GRIN2A: variants seen among roughly 807,000 people sequenced by gnomAD.
The protein encoded by GRIN2A is glutamate receptor ionotropic, NMDA 2A.
GRIN2A carries 22 observed loss-of-function variants against 113.4 expected under a neutral mutation model. The observed-to-expected ratio is 0.19, with a 90% CI of 0.14 to 0.28. The LOEUF is 0.28. Ranked by LOEUF, GRIN2A falls within the 10% of genes least tolerant of loss-of-function variation. GRIN2A has a pLI of 1.00. For missense variants in GRIN2A, 1,502 were observed against 1,887.0 expected (o/e 0.80, Z 3.78); for synonymous variants, 827 against 738.4 (o/e 1.12, Z -1.94).
intron 2 of GRIN2A, among the ~76,000 whole-genome samples, chr16:10,116,185 T>C (rs951711783): frequency 6.6e-6 from 1 of 152,206 alleles, no homozygotes; most frequent in East Asian, 1.9e-4. Context: ...TGGATGAAGC[T>C]GGAAGCCATC....
intron 2 of GRIN2A, among the ~76,000 whole-genome samples, chr16:10,155,732 A>G (rs918535527): frequency 1.3e-5 from 2 of 152,194 alleles, no homozygotes; most frequent in African/African-American, 4.8e-5. Flanking sequence ...GGCAGAAGGC[A>G]AATGAGAAGC....
At chr16:9,955,870 T>C (rs554735538) in intron 2 of GRIN2A, among the ~76,000 whole-genome samples, 57 of 152,302 alleles carry the variant, frequency 3.7e-4, no homozygotes, top group Non-Finnish European at 6.6e-4. Context: ...ACCGCCAGCT[T>C]CAACAAACCA....
intron 2 of GRIN2A, among the ~76,000 whole-genome samples, chr16:10,070,217 A>T (rs1391777657): frequency 6.6e-6 from 1 of 152,026 alleles, no homozygotes; most frequent in East Asian, 1.9e-4. Flanking sequence ...TAGGTGCCCC[A>T]GGTGCTCCTG....
intron 3 of GRIN2A, among the ~76,000 whole-genome samples, chr16:9,934,321 C>T (rs1210807577): frequency 2.0e-5 from 3 of 152,104 alleles, no homozygotes; most frequent in Non-Finnish European, 4.4e-5. Context: ...TATCTTAATT[C>T]ATCTATGTAT....
rs746900457 is a variant in GRIN2A, at chr16:9,764,112, G to A, written c.3432C>T (p.Asn1144=). The A allele has an allele frequency of 4.3e-6, 7 of 1,613,640 alleles. No homozygotes were observed. The highest frequency in any genetic ancestry group is 1.6e-4 in the Middle Eastern group (1 of 6,084). ...QFVENVTLPE[N]VDFPDPYQDP... ...CCTGGTAGGGGTCCGGGAAGTCCAC[G>A]TTCTCGGGCAGGGTCACATTTTCAA... is the stretch of plus-strand genomic sequence containing the variant. The change falls in exon 13 of 13, where the codon AAC becomes AAT. Residue 1144 remains asparagine (N), a synonymous_variant. Transcript: ENST00000330684.
intron 5 of GRIN2A, among the ~76,000 whole-genome samples, chr16:9,844,572 A>G (rs2042739478): frequency 1.3e-5 from 2 of 152,156 alleles, no homozygotes; most frequent in Admixed American, 6.5e-5. Flanking sequence ...ATGACTCACA[A>G]AAACAAATAC....
At chr16:9,938,946 T>C (rs2044788267) in intron 2 of GRIN2A, among the ~76,000 whole-genome samples, 1 of 152,166 alleles carries the variant, frequency 6.6e-6, no homozygotes, top group Non-Finnish European at 1.5e-5. Context: ...AAGACAGTTT[T>C]CTAACGATAT....
intron 2 of GRIN2A, among the ~76,000 whole-genome samples, chr16:10,144,709 A>G (rs1347301306): frequency 6.6e-6 from 1 of 152,130 alleles, no homozygotes; most frequent in East Asian, 1.9e-4. Context: ...CTAAATGTCC[A>G]TCAAGAGATG....
chr16:10,015,562 A>T (rs1388948208), intron 2 of GRIN2A, among the ~76,000 whole-genome samples: 1 of 152,220 alleles, frequency 6.6e-6, no homozygotes, highest in Non-Finnish European at 1.5e-5. Context: ...ATTTCTGAAC[A>T]TACTTACATT....
chr16:10,096,567 C>CACACACACAT (rs2048295577), intron 2 of GRIN2A, among the ~76,000 whole-genome samples: 1 of 151,624 alleles, frequency 6.6e-6, no homozygotes, highest in Admixed American at 6.6e-5. Flanking sequence ...CACACACACA[C>CACACACACAT]ACACACTTTA....
Position 9,755,190 on chromosome 16 carries a change from G to A in GRIN2A, c.*7959C>T, listed in dbSNP as rs1238673397. On this transcript the variant is annotated 3_prime_UTR_variant, in exon 13 of 13. Coordinates refer to ENST00000330684, the MANE Select transcript of GRIN2A (RefSeq NM_001134407.3). ...TTTGTCTTCTTCGTTTCTGCAGACC[G>A]CTGACACTTTATCTGAGGAAGTTAA... The A allele has an allele frequency of 1.6e-5, 3 of 190,132 alleles. No homozygotes were observed. The highest frequency in any genetic ancestry group is 2.3e-5 in the African/African-American group (1 of 42,906). The allele number at this position is 190,132 out of a possible 1,614,324, so 11.8% of individuals were successfully genotyped here. A position where few individuals can be genotyped will look rare whatever the true frequency, so the allele number is the denominator to read the frequency against.
At chr16:9,954,425 C>A (rs1198135832) in intron 2 of GRIN2A, among the ~76,000 whole-genome samples, 1 of 152,156 alleles carries the variant, frequency 6.6e-6, no homozygotes, top group Non-Finnish European at 1.5e-5. Flanking sequence ...CACATTGCAT[C>A]ATCTTGCTGT....
intron 3 of GRIN2A, among the ~76,000 whole-genome samples, chr16:9,923,455 C>T (rs888521610): frequency 6.6e-5 from 10 of 152,092 alleles, no homozygotes; most frequent in Non-Finnish European, 1.0e-4. Context: ...TATCATCTTG[C>T]TATTTGTTCT....
intron 3 of GRIN2A, among the ~76,000 whole-genome samples, chr16:9,897,791 T>C (rs1015186396): frequency 2.6e-5 from 4 of 152,222 alleles, no homozygotes; most frequent in Non-Finnish European, 5.9e-5. Flanking sequence ...ACTCTCTTTG[T>C]GCTTTTGCTT....
At position 9,764,880 on chromosome 16, in the gene GRIN2A, C is replaced by G. The variant is rs113847665; in HGVS notation, c.2664G>C (p.Thr888=). The stretch of plus-strand genomic sequence containing the variant: ...GTTTTAACATGTTGCTCTGGGATCC[C>G]GTCAGATTGAAGTCTGGAGACTTCT... The part of the protein sequence containing the change: ...EKKKSPDFNL[T]GSQSNMLKLL... The change falls in exon 13 of 13, where the codon ACG becomes ACC. Residue 888 remains threonine, a synonymous_variant. Transcript: ENST00000330684. 13 of 1,613,944 alleles carry G rather than the reference C, an allele frequency of 8.1e-6. No homozygotes were observed. The East Asian group carries it at 2.9e-4, about 36-fold the overall frequency.
intron 3 of GRIN2A, among the ~76,000 whole-genome samples, chr16:9,919,875 C>A (rs896226707): frequency 2.2e-4 from 33 of 152,160 alleles, no homozygotes; most frequent in African/African-American, 8.0e-4. Flanking sequence ...CTTGGCAGTC[C>A]CCAATCCAAA....
intron 2 of GRIN2A, among the ~76,000 whole-genome samples, chr16:10,141,555 A>G (rs772149694): frequency 6.6e-6 from 1 of 152,192 alleles, no homozygotes; most frequent in Non-Finnish European, 1.5e-5. Flanking sequence ...AAAGCAGGAG[A>G]GACCAAATCC....
intron 2 of GRIN2A, among the ~76,000 whole-genome samples, chr16:10,099,370 CACCAG>C (rs2048351468): frequency 1.3e-5 from 2 of 152,202 alleles, no homozygotes; most frequent in African/African-American, 2.4e-5. Flanking sequence ...AAATGCAAAT[CACCAG>C]AGCTCAGAAT....
At chr16:10,169,599 T>C (rs2049998479) in intron 2 of GRIN2A, among the ~76,000 whole-genome samples, 1 of 152,194 alleles carries the variant, frequency 6.6e-6, no homozygotes, top group African/African-American at 2.4e-5. Flanking sequence ...AGCCATATTG[T>C]GACTCAGATA....
Sources: allele counts gnomAD v4.1 joint callset (sites outside exome capture counted in the v4.1 genomes callset), GRCh38; gene constraint gnomAD v4.1.1; transcripts MANE v1.5; gene names NCBI Gene and HGNC (gene_info 2026-07-23, HGNC 2026-07-21).